Variants in CAMKMT observed in about 807,000 individuals in gnomAD.
CAMKMT encodes the protein calmodulin-lysine N-methyltransferase.
In CAMKMT, 53 loss-of-function variants were observed where a neutral mutation model predicts 48.0. That is an observed-to-expected ratio of 1.10 (90% CI 0.89 to 1.39). The LOEUF is 1.39. Ranked by LOEUF, CAMKMT falls within the 40% of genes most tolerant of loss-of-function variation. The probability of loss-of-function intolerance (pLI) is 0.00; values close to 1 mark genes in which losing one functional copy is unlikely to be tolerated. For missense variants in CAMKMT, 428 were observed against 402.7 expected, an observed-to-expected ratio of 1.06 and a Z score of -0.54; for synonymous variants, 165 against 152.3, an observed-to-expected ratio of 1.08 and a Z score of -0.61.
In CAMKMT at chr2:44,618,718, A is replaced by G. The variant is rs369179871; in HGVS notation, c.377-85565A>G. 6.6e-6 allele frequency among the ~76,000 whole-genome samples: 1 copy of G among 152,186 alleles called. No individual in the cohort carries two copies. The highest frequency in any genetic ancestry group is 2.4e-5 in the African/African-American group (1 of 41,450). ...TAGTTGTCATGCTTAAAATATTCATATGAAGGTTTGAAATATTTATTTGAA... is the reference window on the plus strand; with the variant it reads ...TAGTTGTCATGCTTAAAATATTCATGTGAAGGTTTGAAATATTTATTTGAA... On this transcript the variant is annotated intron_variant, in intron 3 of 10. Coordinates refer to ENST00000378494, the MANE Select transcript of CAMKMT (RefSeq NM_024766.5). This position sits in a 1 kb window ranked among gnomAD's most constrained non-coding sequence, Gnocchi z 4.0.
chr2:44,647,863 C>CCACCACTA (rs1673824612), intron 3 of CAMKMT, among the ~76,000 whole-genome samples: 1 of 146,332 alleles, frequency 6.8e-6, no homozygotes, highest in Non-Finnish European at 1.5e-5. Flanking sequence ...AGCCGAGATC[C>CCACCACTA]CACCACTACA....
chr2:44,677,353 G>C (rs1675763919), intron 3 of CAMKMT, among the ~76,000 whole-genome samples: 1 of 152,128 alleles, frequency 6.6e-6, no homozygotes, highest in African/African-American at 2.4e-5. Flanking sequence ...AGGCAAACTT[G>C]TGCATATTTC....
At chr2:44,668,292 T>C (rs1675120232) in intron 3 of CAMKMT, among the ~76,000 whole-genome samples, 1 of 152,204 alleles carries the variant, frequency 6.6e-6, no homozygotes, top group African/African-American at 2.4e-5. Context: ...TTGGTAACAG[T>C]GAATGAATGG....
intron 3 of CAMKMT, among the ~76,000 whole-genome samples, chr2:44,685,395 T>A (rs1394879931): frequency 6.6e-6 from 1 of 152,108 alleles, no homozygotes; most frequent in Non-Finnish European, 1.5e-5. Flanking sequence ...TTCTTTCAGC[T>A]TAGAATACAC....
At chr2:44,595,462 A>G (rs142867320) in intron 3 of CAMKMT, among the ~76,000 whole-genome samples, 12 of 152,352 alleles carry the variant, frequency 7.9e-5, no homozygotes, top group African/African-American at 2.6e-4. Flanking sequence ...CTCTTCAAGG[A>G]GAGCTACAAA....
At chr2:44,647,021 G>T (rs1326201319) in intron 3 of CAMKMT, among the ~76,000 whole-genome samples, 1 of 152,130 alleles carries the variant, frequency 6.6e-6, no homozygotes, top group Non-Finnish European at 1.5e-5. Context: ...TTCCTTGGCC[G>T]GGCGCGGTGG....
At chr2:44,400,677 C>T (rs1290063482) in intron 3 of CAMKMT, 1 of 151,710 alleles carries the variant, frequency 6.6e-6, no homozygotes, top group Non-Finnish European at 1.5e-5. Context: ...TATTTTTTCC[C>T]ATACCATCCA....
chr2:44,766,161 C>T (rs370839388), intron 9 of CAMKMT, among the ~76,000 whole-genome samples: 1 of 152,150 alleles, frequency 6.6e-6, no homozygotes, highest in African/African-American at 2.4e-5. Flanking sequence ...TTCGGAACAC[C>T]GGCTTTCAAC....
chr2:44,500,522 T>A (rs13408791), intron 3 of CAMKMT, among the ~76,000 whole-genome samples: 71 of 152,260 alleles, frequency 4.7e-4, no homozygotes, highest in African/African-American at 1.6e-3. Context: ...AGTTTTTAAA[T>A]AAGATAATGT....
chr2:44,767,133 C>G (rs1203786066), intron 10 of CAMKMT, among the ~76,000 whole-genome samples: 4 of 152,182 alleles, frequency 2.6e-5, no homozygotes, highest in Non-Finnish European at 4.4e-5. Flanking sequence ...TTACATAAAG[C>G]AATGTTATCA....
chr2:44,398,987 G>C (rs1033282767), intron 3 of CAMKMT, among the ~76,000 whole-genome samples: 3 of 152,140 alleles, frequency 2.0e-5, no homozygotes, highest in Admixed American at 2.0e-4. Flanking sequence ...TTTCTGGGAG[G>C]TGGGAACAGT....
At chr2:44,688,719 C>A (rs939991977) in intron 3 of CAMKMT, among the ~76,000 whole-genome samples, 1 of 152,110 alleles carries the variant, frequency 6.6e-6, no homozygotes, top group Non-Finnish European at 1.5e-5. Context: ...CTTCCCCCTT[C>A]CCCACACAGA....
At chr2:44,656,556 A>G (rs1674387361) in intron 3 of CAMKMT, among the ~76,000 whole-genome samples, 2 of 152,210 alleles carry the variant, frequency 1.3e-5, no homozygotes, top group Admixed American at 1.3e-4. Context: ...AACACATTAT[A>G]GAAATACAAA....
chr2:44,431,462 T>C (rs1684645417), intron 3 of CAMKMT, among the ~76,000 whole-genome samples: 1 of 152,194 alleles, frequency 6.6e-6, no homozygotes, highest in Non-Finnish European at 1.5e-5. Context: ...GTTAGTTCCT[T>C]TGTTGCTTTC....
Position 44,518,405 on chromosome 2 carries a change from TAAA to T in CAMKMT, c.376+128104_376+128106del, listed in dbSNP as rs145467201. Reference sequence around the variant, plus strand: ...ATTTCTGTAATGCTATTTTTGAAAATAAAAAACATAATGTTTGCTAAAGGTCAC... The same window carrying T: ...ATTTCTGTAATGCTATTTTTGAAAATAAACATAATGTTTGCTAAAGGTCAC... On this transcript the variant is annotated intron_variant, in intron 3 of 10. Transcript: ENST00000378494. Among the ~76,000 whole-genome samples, 1,251 of 152,206 alleles carry T rather than the reference TAAA, an allele frequency of 8.2e-3. 9 individuals carry two copies. The highest frequency in any genetic ancestry group is 0.023 in the African/African-American group (960 of 41,542).
intron 3 of CAMKMT, among the ~76,000 whole-genome samples, chr2:44,460,133 GAGATAAT>G (rs1247984923): frequency 6.6e-6 from 1 of 152,150 alleles, no homozygotes; most frequent in Non-Finnish European, 1.5e-5. Flanking sequence ...GATCAGAAAG[GAGATAAT>G]AGATTCTGCT....
At chr2:44,604,008 C>G (rs1671146264) in intron 3 of CAMKMT, among the ~76,000 whole-genome samples, 2 of 152,180 alleles carry the variant, frequency 1.3e-5, no homozygotes, top group Admixed American at 6.6e-5. Flanking sequence ...TCTTTCTCCT[C>G]TTCTCACAGG....
intron 1 of CAMKMT, among the ~76,000 whole-genome samples, chr2:44,364,973 A>C (rs544362848): frequency 6.6e-6 from 1 of 152,366 alleles, no homozygotes; most frequent in African/African-American, 2.4e-5. Flanking sequence ...GGGGCAGGGA[A>C]ATACAACTCC....
chr2:44,487,805 G>T (rs1669284806), intron 3 of CAMKMT, among the ~76,000 whole-genome samples: 1 of 152,226 alleles, frequency 6.6e-6, no homozygotes, highest in Non-Finnish European at 1.5e-5. Flanking sequence ...CAATAAAGTG[G>T]CTTTCCACTA....
Sources: gnomAD v4.1 joint callset for allele counts (sites outside exome capture counted in the v4.1 genomes callset) on GRCh38, gnomAD v4.1.1 for gene constraint, Gnocchi (gnomAD v3.1) non-coding constraint, MANE v1.5 for transcripts, NCBI Gene and HGNC (gene_info 2026-07-23, HGNC 2026-07-21) for gene names.